Variants in TMEM164 observed in about 807,000 individuals in gnomAD.
The protein encoded by TMEM164 is transmembrane protein 164.
A neutral mutation model predicts 18.8 loss-of-function variants in TMEM164; 4 were observed. The ratio of observed to expected loss-of-function variants is 0.21; its 90% CI spans 0.10 to 0.49. The LOEUF (loss-of-function observed/expected upper bound fraction) is 0.49, where lower values mean the gene tolerates loss of function less well. Ranked by LOEUF, TMEM164 falls within the 20% of genes least tolerant of loss-of-function variation. The pLI is 0.98. For synonymous variants in TMEM164, 86 were observed against 101.7 expected, an observed-to-expected ratio of 0.85 and a Z score of 0.93; for missense variants, 108 against 239.9, an observed-to-expected ratio of 0.45 and a Z score of 3.63.
chrX:110,060,297 A>G (rs1450121009), intron 2 of TMEM164, among the ~76,000 whole-genome samples: 1 of 108,437 alleles, frequency 9.2e-6, no homozygotes, highest in African/African-American at 3.3e-5. Flanking sequence ...AAAGAAAAAG[A>G]AAAGGTCTAA....
intron 4 of TMEM164, among the ~76,000 whole-genome samples, chrX:110,111,944 A>T (rs1263977499): frequency 9.0e-6 from 1 of 111,260 alleles, no homozygotes; most frequent in Non-Finnish European, 1.9e-5. Context: ...GCAGTGGCTC[A>T]CACCTGTGGT....
At position 110,177,105 on chromosome X, in the gene TMEM164, G is replaced by A. The variant is rs1036944987; in HGVS notation, c.*3654G>A. 2 of 111,853 alleles carry A rather than the reference G, an allele frequency of 1.8e-5. No homozygotes were observed. The highest frequency in any genetic ancestry group is 3.8e-4 in the South Asian group (1 of 2,659). The allele number at this position is 111,853 out of a possible 1,213,427, so 9.2% of individuals were successfully genotyped here. ...GAAAACCTAGTCGCTTGTTGCTCTC[G>A]TCTGTGACATTTTTGTACACTGGTT... On this transcript the variant is annotated 3_prime_UTR_variant, in exon 7 of 7. Transcript: ENST00000372068.
chrX:110,090,818 C>A (rs937282712), intron 3 of TMEM164, among the ~76,000 whole-genome samples: 4 of 110,550 alleles, frequency 3.6e-5, no homozygotes, highest in African/African-American at 1.3e-4. Flanking sequence ...ATTAACTTGT[C>A]ATTTACATTA....
Position 110,102,939 on chromosome X carries a change from T to C in TMEM164, c.441-6141T>C, listed in dbSNP as rs754122759. On this transcript the variant is annotated intron_variant, in intron 3 of 6. Transcript: ENST00000372068. ...TGTCCTACTTATACTTATCTTCTTT[T>C]CCCTACAATACCTGCAACAATGTTA... Among the ~76,000 whole-genome samples the C allele has an allele frequency of 2.7e-5, 3 of 112,406 alleles. No homozygotes were observed. In the South Asian group the frequency reaches 1.1e-3, roughly 41 times the overall value.
chrX:110,046,374 A>G (rs776700933), intron 2 of TMEM164: 4 of 753,320 alleles, frequency 5.3e-6, no homozygotes, highest in Non-Finnish European at 4.7e-6. Context: ...TTGATTATTC[A>G]TGTAATAGAG....
intron 2 of TMEM164, among the ~76,000 whole-genome samples, chrX:110,014,567 G>A (rs1933199796): frequency 9.1e-6 from 1 of 110,111 alleles, no homozygotes; most frequent in Non-Finnish European, 1.9e-5. Context: ...AGCTTTCCGG[G>A]GACCTATTGG....
At chrX:110,155,590 T>C (rs1393629009) in intron 5 of TMEM164, among the ~76,000 whole-genome samples, 1 of 111,018 alleles carries the variant, frequency 9.0e-6, no homozygotes, top group Non-Finnish European at 1.9e-5. Flanking sequence ...CTCCTCATCC[T>C]CACCACCCCT....
In TMEM164 at chrX:110,003,875, CTT is replaced by C; in HGVS notation, c.102_103del (p.Trp35AlafsTer34). The C allele has an allele frequency of 8.3e-7, 1 of 1,211,912 alleles. No individual in the cohort carries two copies. Among genetic ancestry groups the C allele is most frequent in the Non-Finnish European group, 1.1e-6 (1 of 895,515 alleles). ...GGCCCCGACTGTGCTGCCTTCCTCTCTTGGCAGCAGCGGCTGCTGGAAAGTGT... is the reference window on the plus strand; with the variant it reads ...GGCCCCGACTGTGCTGCCTTCCTCTCGGCAGCAGCGGCTGCTGGAAAGTGT... On this transcript the variant is annotated frameshift_variant, in exon 2 of 7. Transcript: ENST00000372068. LOFTEE classifies it high-confidence loss of function.
chrX:110,121,679 T>A (rs1238900484), intron 4 of TMEM164, among the ~76,000 whole-genome samples: 1 of 112,433 alleles, frequency 8.9e-6, no homozygotes, highest in Non-Finnish European at 1.9e-5. Flanking sequence ...AGCTATCTGT[T>A]TGTCTGCTTT....
rs78077954 is a variant in TMEM164, at chrX:110,172,991, C to T, written c.688-254C>T. ...TCAGGAATGGCAACAAGTTCTGGGC[C>T]CAAACAGAAGGCAAGACCGTGAGCA... On this transcript the variant is annotated intron_variant, in intron 6 of 6. Transcript: ENST00000372068. Among the ~76,000 whole-genome samples the T allele has an allele frequency of 8.2e-3, 913 of 111,784 alleles. 10 individuals carry two copies. The highest frequency in any genetic ancestry group is 0.026 in the African/African-American group (810 of 30,699).
At chrX:110,150,700 G>A (rs1569352365) in intron 5 of TMEM164, among the ~76,000 whole-genome samples, 1 of 111,779 alleles carries the variant, frequency 8.9e-6, no homozygotes. Context: ...CCCTTCTTCA[G>A]ACATTCATCC....
intron 3 of TMEM164, among the ~76,000 whole-genome samples, chrX:110,105,917 G>T (rs1289196964): frequency 9.0e-6 from 1 of 111,552 alleles, no homozygotes; most frequent in Non-Finnish European, 1.9e-5. Flanking sequence ...TTGATCTTGG[G>T]CAGATCACTT....
At chrX:110,171,679 A>G (rs1044209134) in intron 6 of TMEM164, among the ~76,000 whole-genome samples, 159 bp downstream of exon 6, 2 of 112,422 alleles carry the variant, frequency 1.8e-5, no homozygotes, top group African/African-American at 6.5e-5. Context: ...TTTATGATCT[A>G]CAGCCTTGGC....
At chrX:110,003,029 T>G (rs1602452607), upstream of TMEM164, 1 of 60,487 alleles carries the variant, frequency 1.7e-5, no homozygotes, top group African/African-American at 6.6e-5. Context: ...GGCCGGAGGG[T>G]GGAGCTGGGG....
chrX:110,085,964 A>G (rs1223669039), intron 3 of TMEM164, among the ~76,000 whole-genome samples: 1 of 112,393 alleles, frequency 8.9e-6, no homozygotes, highest in Non-Finnish European at 1.9e-5. Flanking sequence ...GCCAGTTTCT[A>G]GATGAACTCT....
intron 5 of TMEM164, among the ~76,000 whole-genome samples, chrX:110,150,554 A>G (rs1016043817): frequency 5.3e-5 from 6 of 112,842 alleles, no homozygotes; most frequent in Non-Finnish European, 5.6e-5. Flanking sequence ...ACTGTGAAAA[A>G]TATATTTCCC....
At chrX:110,073,428 C>T (rs1182001709) in intron 3 of TMEM164, among the ~76,000 whole-genome samples, 2 of 112,033 alleles carry the variant, frequency 1.8e-5, no homozygotes, top group Non-Finnish European at 3.8e-5. Flanking sequence ...TTTCTGTGTT[C>T]GTTAGCTTAG....
At chrX:110,067,154 G>A (rs868605818) in intron 2 of TMEM164, among the ~76,000 whole-genome samples, 193 bp from the exon 3 acceptor site, 11 of 101,612 alleles carry the variant, frequency 1.1e-4, no homozygotes, top group South Asian at 4.6e-4. Context: ...TCATGTGTGC[G>A]CACACACACA....
Position 110,175,797 on chromosome X carries a change from G to A in TMEM164, c.*2346G>A. ...CATGGCCTGTATTTGGGGCATTGGGGAGCATAAGGCATCTGAACTGGTCCA... is the reference window on the plus strand; with the variant it reads ...CATGGCCTGTATTTGGGGCATTGGGAAGCATAAGGCATCTGAACTGGTCCA... On this transcript the variant is annotated 3_prime_UTR_variant, in exon 7 of 7. Transcript: ENST00000372068. 1 of 755,298 alleles carries A rather than the reference G, an allele frequency of 1.3e-6. No individual in the cohort carries two copies. Among genetic ancestry groups the A allele is most frequent in the South Asian group, 6.7e-5 (1 of 14,899 alleles). The allele number at this position is 755,298 out of a possible 1,213,427, so 62.2% of individuals were successfully genotyped here.
Sources: gnomAD v4.1 joint callset for allele counts (sites outside exome capture counted in the v4.1 genomes callset) on GRCh38, gnomAD v4.1.1 for gene constraint, MANE v1.5 for transcripts, NCBI Gene and HGNC (gene_info 2026-07-23, HGNC 2026-07-21) for gene names.